XAGE3: variants seen among roughly 807,000 people sequenced by gnomAD.
XAGE3 encodes X antigen family member 3, also known as CT12.3.
In XAGE3, 6 loss-of-function variants were observed where a neutral mutation model predicts 9.2. The observed-to-expected ratio is 0.65, with a 90% CI of 0.36 to 1.29. The LOEUF (loss-of-function observed/expected upper bound fraction) is 1.29, where lower values mean the gene tolerates loss of function less well. Ranked by LOEUF, XAGE3 falls within the 50% of genes most tolerant of loss-of-function variation. The probability of loss-of-function intolerance (pLI) is 0.03; values close to 1 mark genes in which losing one functional copy is unlikely to be tolerated. For synonymous variants in XAGE3, 26 were observed against 28.2 expected (o/e 0.92, Z 0.25); for missense variants, 70 against 82.8 (o/e 0.85, Z 0.60).
At chrX:52,866,334 T>A (rs1170591450) in intron 3 of XAGE3, 99 bp downstream of exon 3, 33 of 883,318 alleles carry the variant, frequency 3.7e-5, no homozygotes, top group Non-Finnish European at 5.3e-5. Flanking sequence ...CCTTTCCTAA[T>A]GTTTTCTTTC....
In XAGE3 at chrX:52,864,823, G is replaced by A. The variant is rs370644413; in HGVS notation, c.265C>T (p.Gln89Ter). The A allele has an allele frequency of 3.3e-5, 40 of 1,209,136 alleles. No individual in the cohort carries two copies. The highest frequency in any genetic ancestry group is 4.2e-5 in the Non-Finnish European group (38 of 894,553). ...TCTGATTTTGGCAGAATCTTCCCCT[G>A]GTCATCAGGACCATTTCCACATTCA... is the stretch of plus-strand genomic sequence containing the variant. ...GGECGNGPDD[Q>*]GKILPKSEQF... Residue 89 changes from glutamine to a stop codon, truncating the protein, a stop_gained, in exon 4 of 5, where the codon CAG becomes TAG. Coordinates refer to ENST00000346279, the MANE Select transcript of XAGE3 (RefSeq NM_133179.3). LOFTEE classifies it low-confidence loss of function (END_TRUNC).
chrX:52,862,867 T>C (rs1023014799), intron 4 of XAGE3, among the ~76,000 whole-genome samples: 20 of 114,600 alleles, frequency 1.7e-4, no homozygotes, highest in African/African-American at 5.7e-4. Context: ...CCTTCTGTAG[T>C]TCAAGGAAAC....
intron 4 of XAGE3, 127 bp downstream of exon 4, chrX:52,864,648 G>T (rs782724360): frequency 1.1e-5 from 10 of 895,513 alleles, no homozygotes; most frequent in African/African-American, 6.0e-5. Context: ...GGCAATTGGG[G>T]TCTGAACAAC....
chrX:52,865,483 C>A lies in XAGE3; in HGVS notation c.188-583G>T, dbSNP rs192193375. ...TGTTGACAGTCATATTCTGGAAACCCCTTAACAGTGAATTGCTAAAGTAAC... is the reference window on the plus strand; with the variant it reads ...TGTTGACAGTCATATTCTGGAAACCACTTAACAGTGAATTGCTAAAGTAAC... On this transcript the variant is annotated intron_variant, in intron 3 of 4. Transcript: ENST00000346279. Among the ~76,000 whole-genome samples, 671 of 111,322 alleles carry A rather than the reference C, an allele frequency of 6.0e-3. 1 individual carries two copies. Among genetic ancestry groups the A allele is most frequent in the African/African-American group, 0.021 (635 of 30,696 alleles).
At chrX:52,867,926 C>G (rs1448773582) in intron 1 of XAGE3, 80 bp downstream of exon 1, 4 of 111,762 alleles carry the variant, frequency 3.6e-5, no homozygotes, top group Non-Finnish European at 5.6e-5. Context: ...GCTATGCTTT[C>G]CCACGCTCCG....
intron 3 of XAGE3, 63 bp downstream of exon 3, chrX:52,866,370 G>T: frequency 9.5e-7 from 1 of 1,056,906 alleles, no homozygotes; most frequent in Non-Finnish European, 1.3e-6. Flanking sequence ...ATGGCATAAG[G>T]CATGATGCAC....
At position 52,867,069 on chromosome X, in the gene XAGE3, A is replaced by G. The variant is rs782356818; in HGVS notation, c.65T>C (p.Leu22Pro). 5.8e-6 allele frequency: 7 copies of G among 1,212,148 alleles called. No homozygotes were observed. The highest frequency in any genetic ancestry group is 7.8e-6 in the Non-Finnish European group (7 of 895,407). The stretch of plus-strand genomic sequence containing the variant: ...GGCACTCACCAGCATAGGCCCAATC[A>G]GCTCAGGAGGTGGTACACTTCTCCT... ...RPRRSVPPPE[L>P]IGPMLEPGDE... The change falls in exon 2 of 5, where the codon CTG becomes CCG. Residue 22 changes from leucine to proline, a missense_variant. Physicochemically the swap from Leu to Pro is moderately conservative, Grantham distance 98. Coordinates refer to ENST00000346279, the MANE Select transcript of XAGE3 (RefSeq NM_133179.3).
intron 4 of XAGE3, among the ~76,000 whole-genome samples, chrX:52,864,418 G>C (rs1208113676): frequency 8.9e-6 from 1 of 112,575 alleles, no homozygotes; most frequent in South Asian, 3.6e-4. Context: ...AATAATGTTA[G>C]AGCTGTTATT....
At chrX:52,866,574 TGC>T (rs1556784492) in intron 2 of XAGE3, 36 bp from the exon 3 acceptor site, 1 of 1,087,514 alleles carries the variant, frequency 9.2e-7, no homozygotes, top group Non-Finnish European at 1.2e-6. Context: ...TGTGTGTGTG[TGC>T]AGATAAAAAG....
rs1204343473 is a variant in XAGE3 at position 52,862,637 on chromosome X, T to G, written c.317A>C (p.Asp106Ala). 2 of 1,211,230 alleles carry G rather than the reference T, an allele frequency of 1.7e-6. No homozygotes were observed. The highest frequency in any genetic ancestry group is 4.3e-5 in the Admixed American group (2 of 46,087). ...SEQFKMPEGGDRQPQV is the reference protein window; with the variant it reads ...SEQFKMPEGGARQPQV ...CTTCATTTAAACCTGTGGTTGCCTG[T>G]CACCTATAATAGAAATATAACAGGA... The change falls in exon 5 of 5, where the codon GAC becomes GCC. Residue 106 changes from aspartate (D) to alanine (A), a missense_variant. Asp to Ala is a moderately radical substitution (Grantham distance 126, BLOSUM62 -2). Transcript: ENST00000346279.
In XAGE3 at chrX:52,862,575, T is replaced by C. The variant is rs782585070; in HGVS notation, c.*43A>G. On this transcript the variant is annotated 3_prime_UTR_variant, in exon 5 of 5. Coordinates refer to ENST00000346279, the MANE Select transcript of XAGE3 (RefSeq NM_133179.3). ...TATTTCGATATTTTTAAGTCAAATA[T>C]CTTAGATAAAAACAGTTTTGTGTTG... 8.3e-7 allele frequency: 1 copy of C among 1,202,800 alleles called. No homozygotes were observed. Among genetic ancestry groups the C allele is most frequent in the Non-Finnish European group, 1.1e-6 (1 of 890,228 alleles).
At chrX:52,863,009 G>T (rs1468222414) in intron 4 of XAGE3, among the ~76,000 whole-genome samples, 2 of 111,984 alleles carry the variant, frequency 1.8e-5, no homozygotes, top group African/African-American at 6.5e-5. Context: ...AGAAACAAAA[G>T]GAATTTACAA....
intron 4 of XAGE3, 66 bp downstream of exon 4, chrX:52,864,709 T>C: frequency 8.5e-7 from 1 of 1,175,863 alleles, no homozygotes; most frequent in Non-Finnish European, 1.2e-6. Flanking sequence ...GATAGTAATG[T>C]TCTCTTTTAT....
chrX:52,866,616 A>T, intron 2 of XAGE3, 78 bp from the exon 3 acceptor site: 2 of 747,445 alleles, frequency 2.7e-6, no homozygotes, highest in Non-Finnish European at 2.0e-6. Context: ...CAATAATACA[A>T]ATATACAGAA....
chrX:52,867,004 CA>C (rs1556784537), intron 2 of XAGE3, 48 bp downstream of exon 2: 10 of 1,151,930 alleles, frequency 8.7e-6, no homozygotes, highest in Non-Finnish European at 1.2e-5. Flanking sequence ...CAACAAGTTA[CA>C]AAAATAACTT....
chrX:52,862,755 G>T, intron 4 of XAGE3, 115 bp from the exon 5 acceptor site: 1 of 935,702 alleles, frequency 1.1e-6, no homozygotes, highest in Non-Finnish European at 1.5e-6. Context: ...TAAACCAGAA[G>T]CCTAAGAGTA....
intron 4 of XAGE3, among the ~76,000 whole-genome samples, chrX:52,863,727 G>C (rs1927817014): frequency 9.0e-6 from 1 of 111,692 alleles, no homozygotes; most frequent in Non-Finnish European, 1.9e-5. Context: ...TTTTCTTCAA[G>C]AGTGTGTAAA....
chrX:52,864,745 A>G, intron 4 of XAGE3, 30 bp downstream of exon 4: 11 of 1,205,703 alleles, frequency 9.1e-6, no homozygotes, highest in Non-Finnish European at 1.2e-5. Context: ...ATTGTGGAAA[A>G]CAGAAAGCAC....
At chrX:52,863,753 T>C (rs1927817456) in intron 4 of XAGE3, among the ~76,000 whole-genome samples, 2 of 112,129 alleles carry the variant, frequency 1.8e-5, no homozygotes, top group Non-Finnish European at 3.8e-5. Context: ...ACTCTATTCA[T>C]AGCTATTTTT....
Sources: allele counts gnomAD v4.1 joint callset (sites outside exome capture counted in the v4.1 genomes callset), GRCh38; gene constraint gnomAD v4.1.1; transcripts MANE v1.5; gene names NCBI Gene and HGNC (gene_info 2026-07-23, HGNC 2026-07-21).